Variants in GPR149 observed in about 807,000 individuals in gnomAD.
GPR149 encodes the protein probable G protein-coupled receptor 149.
Under a neutral mutation model 50.2 loss-of-function variants are expected in GPR149, and 50 were observed. The observed-to-expected ratio is 1.00, with a 90% CI of 0.79 to 1.26. The LOEUF is 1.26. GPR149 is among the 50% of genes most tolerant of loss of function. GPR149 has a pLI of 0.00. For synonymous variants in GPR149, 405 were observed against 358.2 expected (o/e 1.13, Z -1.48); for missense variants, 983 against 895.4 (o/e 1.10, Z -1.25).
chr3:154,337,328 G>A lies in GPR149; in HGVS notation c.*371C>T, dbSNP rs1160575484. On this transcript the variant is annotated 3_prime_UTR_variant, in exon 4 of 4. Coordinates refer to ENST00000389740, the MANE Select transcript of GPR149 (RefSeq NM_001038705.3). ...CTCTTTTTTCCCCTTTGCAGTAAAG[G>A]CCAACATTGTATATAGAAACATATG... 2.2e-4 allele frequency among the ~76,000 whole-genome samples: 34 copies of A among 151,988 alleles called. No homozygotes were observed. The highest frequency in any genetic ancestry group is 3.9e-4 in the East Asian group (2 of 5,184).
At chr3:154,374,762 C>T (rs1199422206) in intron 3 of GPR149, among the ~76,000 whole-genome samples, 1 of 152,080 alleles carries the variant, frequency 6.6e-6, no homozygotes, top group Non-Finnish European at 1.5e-5. Context: ...TGACTGCTGG[C>T]TTGCCTTATG....
chr3:154,367,624 C>G (rs888067013), intron 3 of GPR149, among the ~76,000 whole-genome samples: 1 of 152,206 alleles, frequency 6.6e-6, no homozygotes, highest in African/African-American at 2.4e-5. Flanking sequence ...ATTGAAAAAT[C>G]TAACACTGGC....
chr3:154,428,514 C>T, intron 1 of GPR149, 121 bp downstream of exon 1: 1 of 1,136,444 alleles, frequency 8.8e-7, no homozygotes, highest in Non-Finnish European at 1.3e-6. Flanking sequence ...GCGAGATACA[C>T]TTGGAAGCGG....
intron 3 of GPR149, among the ~76,000 whole-genome samples, chr3:154,363,987 G>A (rs1333043100): frequency 6.6e-6 from 1 of 152,208 alleles, no homozygotes; most frequent in Non-Finnish European, 1.5e-5. Context: ...AAATGCAGGA[G>A]TGGAAGCTGT....
intron 3 of GPR149, among the ~76,000 whole-genome samples, chr3:154,399,042 A>G (rs527322435): frequency 6.6e-6 from 1 of 152,314 alleles, no homozygotes; most frequent in Non-Finnish European, 1.5e-5. Flanking sequence ...TCAGTCTAAG[A>G]TGTTCATTGG....
chr3:154,428,554 C>T, intron 1 of GPR149, 81 bp downstream of exon 1: 1 of 1,476,808 alleles, frequency 6.8e-7, no homozygotes. Flanking sequence ...GGTGACTCCC[C>T]AAACCGGCGA....
Position 154,421,308 on chromosome 3 carries a change from T to C in GPR149, c.1354A>G (p.Ile452Val). 8 of 1,613,432 alleles carry C rather than the reference T, an allele frequency of 5.0e-6. No individual in the cohort carries two copies. The East Asian group carries it at 6.7e-5, about 13-fold the overall frequency. The change falls in exon 3 of 4, where the codon ATA becomes GTA. Residue 452 changes from isoleucine to valine, a missense_variant. Transcript: ENST00000389740. ...QRDNRNIFNA[I>V]KVEISTTPSL... ...GGCGTGGTGCTGATTTCTACTTTTA[T>C]AGCATTGAAGATGTTACGGTTGTCT...
chr3:154,377,520 C>T (rs1714821861), intron 3 of GPR149, among the ~76,000 whole-genome samples: 1 of 151,862 alleles, frequency 6.6e-6, no homozygotes, highest in Admixed American at 6.6e-5. Flanking sequence ...GCGTGCGCCA[C>T]CATGCCTAGC....
chr3:154,417,643 T>A, intron 3 of GPR149, among the ~76,000 whole-genome samples: 1 of 152,004 alleles, frequency 6.6e-6, no homozygotes, highest in African/African-American at 2.4e-5. Context: ...AGAAGTAGTG[T>A]TTTTATAGAG....
intron 3 of GPR149, among the ~76,000 whole-genome samples, chr3:154,363,843 C>T (rs367668682): frequency 6.6e-6 from 1 of 152,178 alleles, no homozygotes; most frequent in Admixed American, 6.5e-5. Context: ...CAGATGACAA[C>T]CCACTTTTGG....
In GPR149 at chr3:154,363,291, A is replaced by C. The variant is rs550508733; in HGVS notation, c.1624-25020T>G. Reference sequence around the variant, plus strand: ...GTAGATCAGAGGGTTGTCTCAGTACACTTTTGCTGCTATAACAAAATACTA... The same window carrying C: ...GTAGATCAGAGGGTTGTCTCAGTACCCTTTTGCTGCTATAACAAAATACTA... On this transcript the variant is annotated intron_variant, in intron 3 of 3. Transcript: ENST00000389740. Among the ~76,000 whole-genome samples, 7 of 115,400 alleles carry C rather than the reference A, an allele frequency of 6.1e-5. No individual in the cohort carries two copies. In the South Asian group the frequency reaches 1.1e-3, roughly 19 times the overall value. 75.7% of individuals were successfully genotyped at this position (115,400 alleles called of 152,430 possible). A position where few individuals can be genotyped will look rare whatever the true frequency, so the allele number is the denominator to read the frequency against.
At chr3:154,377,096 G>C (rs577186028) in intron 3 of GPR149, among the ~76,000 whole-genome samples, 1 of 150,754 alleles carries the variant, frequency 6.6e-6, no homozygotes, top group South Asian at 2.1e-4. Context: ...TGGGGTAGAG[G>C]ATAGTAGAAA....
rs373385215 is a variant in GPR149, at chr3:154,426,060, A to G, written c.1174+1456T>C. On this transcript the variant is annotated intron_variant, in intron 2 of 3. Coordinates refer to ENST00000389740, the MANE Select transcript of GPR149 (RefSeq NM_001038705.3). Reference sequence around the variant, plus strand: ...ATGCTAAGATTTATTAGAATGTTAGAGTTTTGAGGTTTGTGAATTGTTTCC... The same window carrying G: ...ATGCTAAGATTTATTAGAATGTTAGGGTTTTGAGGTTTGTGAATTGTTTCC... 1.8e-4 allele frequency among the ~76,000 whole-genome samples: 28 copies of G among 152,254 alleles called. 3 individuals carry two copies. In the Middle Eastern group the frequency reaches 0.027, roughly 149 times the overall value.
intron 3 of GPR149, among the ~76,000 whole-genome samples, chr3:154,407,719 C>CACACACACAT (rs759884952): frequency 2.3e-4 from 35 of 150,462 alleles, no homozygotes; most frequent in African/African-American, 3.7e-4. Flanking sequence ...CACACACACA[C>CACACACACAT]ATATATATAT....
chr3:154,403,286 A>G (rs1357326195), intron 3 of GPR149, among the ~76,000 whole-genome samples: 2 of 152,196 alleles, frequency 1.3e-5, no homozygotes, highest in African/African-American at 4.8e-5. Context: ...AGAGTAAATT[A>G]AAGGAAGCAG....
At chr3:154,345,824 G>GC (rs1559969525) in intron 3 of GPR149, among the ~76,000 whole-genome samples, 1 of 152,062 alleles carries the variant, frequency 6.6e-6, no homozygotes, top group Non-Finnish European at 1.5e-5. Flanking sequence ...ATAGCATCTA[G>GC]GATCATGGCA....
chr3:154,398,281 CAATT>C (rs1715340988), intron 3 of GPR149, among the ~76,000 whole-genome samples: 2 of 152,146 alleles, frequency 1.3e-5, no homozygotes, highest in African/African-American at 2.4e-5. Context: ...ACACAAATAA[CAATT>C]AAGGTAATGA....
rs758883655 is a variant in GPR149, at chr3:154,338,246, G to A, written c.1649C>T (p.Pro550Leu). 9.4e-6 allele frequency: 15 copies of A among 1,588,862 alleles called. No homozygotes were observed. The South Asian group carries it at 1.7e-4, about 18-fold the overall frequency. The change falls in exon 4 of 4, where the codon CCC (proline) becomes CTC (leucine). Residue 550 changes from proline to leucine, a missense_variant. Pro to Leu is a moderately conservative substitution (Grantham distance 98, BLOSUM62 -3). Transcript: ENST00000389740. ...RQRSGYALAI[P>L]LCAFQGTVSL... is the part of the protein sequence containing the mutation. ...CACAGTCCCCTGGAATGCACACAAGGGAATGGCAAGGGCATAACCGGAACG... is the reference window on the plus strand; with the variant it reads ...CACAGTCCCCTGGAATGCACACAAGAGAATGGCAAGGGCATAACCGGAACG...
chr3:154,428,983 T>TG lies in GPR149; in HGVS notation c.632dup (p.Leu212ThrfsTer75), dbSNP rs781692687. The TG allele has an allele frequency of 8.7e-5, 141 of 1,613,342 alleles. No individual in the cohort carries two copies. Among genetic ancestry groups the TG allele is most frequent in the Non-Finnish European group, 1.2e-4 (136 of 1,179,896 alleles). On this transcript the variant is annotated frameshift_variant, in exon 1 of 4. Coordinates refer to ENST00000389740, the MANE Select transcript of GPR149 (RefSeq NM_001038705.3). LOFTEE classifies it high-confidence loss of function. ...CCGAACACAGCAATCGGTGAGTGAG[T>TG]GGGACTGAGAGGCCCACGAGGAGTC...
Sources: gnomAD v4.1 joint callset for allele counts (sites outside exome capture counted in the v4.1 genomes callset) on GRCh38, gnomAD v4.1.1 for gene constraint, MANE v1.5 for transcripts, NCBI Gene and HGNC (gene_info 2026-07-23, HGNC 2026-07-21) for gene names.